Variants in ACHE observed in about 807,000 individuals in gnomAD.
ACHE encodes acetylcholinesterase.
In ACHE, 19 loss-of-function variants were observed where a neutral mutation model predicts 53.9. The observed-to-expected ratio is 0.35, with a 90% CI of 0.25 to 0.52. The LOEUF (loss-of-function observed/expected upper bound fraction) is 0.52. Among genes scored for constraint, ACHE ranks in the 20% least tolerant of loss-of-function variants. The pLI is 0.95. For synonymous variants in ACHE, 392 were observed against 378.1 expected, an observed-to-expected ratio of 1.04 and a Z score of -0.43; for missense variants, 605 against 849.4, an observed-to-expected ratio of 0.71 and a Z score of 3.58.
In ACHE at chr7:100,892,854, C is replaced by T; in HGVS notation, c.1069-36G>A. 1 of 1,515,284 alleles carries T rather than the reference C, an allele frequency of 6.6e-7. No individual in the cohort carries two copies. Among genetic ancestry groups the T allele is most frequent in the African/African-American group, 1.4e-5 (1 of 73,020 alleles). The allele number at this position is 1,515,284 out of a possible 1,614,324, so 93.9% of individuals were successfully genotyped here. ...GGGAGAGGGGGGTGGGATGGAGCGA[C>T]AGGCACAGACAGACAAGTAGACAGA... On this transcript the variant is annotated intron_variant, in intron 2 of 4. Transcript: ENST00000241069. This position sits in a 1 kb window ranked among gnomAD's most constrained non-coding sequence, Gnocchi z 5.2.
chr7:100,890,237 G>A lies in ACHE; in HGVS notation c.1822C>T (p.Gln608Ter). 1 of 1,613,956 alleles carries A rather than the reference G, an allele frequency of 6.2e-7. No individual in the cohort carries two copies. The highest frequency in any genetic ancestry group is 8.5e-7 in the Non-Finnish European group (1 of 1,179,892). ...WKNQFDHYSK[Q>*]DRCSDL Reference sequence around the variant, plus strand: ...GGTCACAGGTCTGAGCAGCGATCCTGCTTGCTGTAGTGGTCGAACTGGTTC... The same window carrying A: ...GGTCACAGGTCTGAGCAGCGATCCTACTTGCTGTAGTGGTCGAACTGGTTC... Residue 608 changes from glutamine to a stop codon, truncating the protein, a stop_gained, in exon 5 of 5, where the codon CAG becomes TAG. Transcript: ENST00000241069. LOFTEE classifies it high-confidence loss of function.
chr7:100,893,880 TTCC>T lies in ACHE; in HGVS notation c.350_352del (p.Trp117_Asn118delinsTyr). The T allele has an allele frequency of 6.2e-7, 1 of 1,601,120 alleles. No homozygotes were observed. The highest frequency in any genetic ancestry group is 8.5e-7 in the Non-Finnish European group (1 of 1,172,514). On this transcript the variant is annotated inframe_deletion, in exon 2 of 5. Transcript: ENST00000241069. ...GTCCTCGCTCAGCTCACGGTTGGGG[TTCC>T]ACATCTCGGTGCCCTCAAAACCTGG...
intron 4 of ACHE, chr7:100,890,631 G>C (rs1257313918): frequency 2.9e-6 from 4 of 1,383,016 alleles, no homozygotes; most frequent in East Asian, 5.4e-5. Context: ...AAAAAGAAGA[G>C]ACAGAAATGG....
intron 1 of ACHE, 80 bp from the exon 2 acceptor site, chr7:100,894,332 A>G: frequency 1.0e-6 from 1 of 1,000,776 alleles, no homozygotes; most frequent in Non-Finnish European, 1.3e-6. Flanking sequence ...TGTCGGCCCA[A>G]GGGTTATCGC....
intron 4 of ACHE, 84 bp downstream of exon 4, chr7:100,891,085 G>A (rs972866248): frequency 2.6e-6 from 4 of 1,526,632 alleles, no homozygotes; most frequent in East Asian, 4.9e-5. Flanking sequence ...GGGAGCCTCC[G>A]AGGCTAGGGG....
chr7:100,890,574 A>G, intron 4 of ACHE: 8 of 1,353,816 alleles, frequency 5.9e-6, no homozygotes, highest in Non-Finnish European at 7.6e-6. Context: ...GGAGAAAAGA[A>G]TGACCGGAAG....
At position 100,892,691 on chromosome 7, in the gene ACHE, G is replaced by A; in HGVS notation, c.1196C>T (p.Pro399Leu). The change falls in exon 3 of 5, where the codon CCC (proline) becomes CTC (leucine). Residue 399 changes from proline to leucine, a missense_variant. Transcript: ENST00000241069. The surrounding 1 kb of genome is among the most constrained non-coding windows in gnomAD (Gnocchi z 5.2). The part of the protein sequence containing the change: ...EFLAGVRVGV[P>L]QVSDLAAEAV... ...CTCGGCTGCCAGGTCACTTACCTGG[G>A]GAACCCCGACCCGCACCCCGGCCAG... is the stretch of plus-strand genomic sequence containing the variant. 1.2e-6 allele frequency: 2 copies of A among 1,613,584 alleles called. No homozygotes were observed. The highest frequency in any genetic ancestry group is 1.7e-6 in the Non-Finnish European group (2 of 1,179,976).
At position 100,892,333 on chromosome 7, in the gene ACHE, C is replaced by G; in HGVS notation, c.1553+1G>C. 1 of 1,512,968 alleles carries G rather than the reference C, an allele frequency of 6.6e-7. No individual in the cohort carries two copies. The highest frequency in any genetic ancestry group is 8.9e-7 in the Non-Finnish European group (1 of 1,129,062). The allele number at this position is 1,512,968 out of a possible 1,614,324, so 93.7% of individuals were successfully genotyped here. A position where few individuals can be genotyped will look rare whatever the true frequency, so the allele number is the denominator to read the frequency against. The stretch of plus-strand genomic sequence containing the variant: ...GCCTTCTCTCCCTCTGCACTGCTGA[C>G]CCTGTGCGGGCAAAGTTGGCCCAGT... On this transcript the variant is annotated splice_donor_variant, in intron 3 of 4. Coordinates refer to ENST00000241069, the MANE Select transcript of ACHE (RefSeq NM_000665.5). LOFTEE classifies it high-confidence loss of function. The surrounding 1 kb of genome is among the most constrained non-coding windows in gnomAD (Gnocchi z 5.2).
Position 100,893,319 on chromosome 7 carries a change from C to G in ACHE, c.914G>C (p.Arg305Pro), listed in dbSNP as rs375157729. ...CACCAGGACCTGCGCTGGTCGTGTC[C>G]GAAGGCAGGCTACCAGCTCTGTGTC... ...GNDTELVACL[R>P]TRPAQVLVNH... is the part of the protein sequence containing the mutation. The change falls in exon 2 of 5, where the codon CGG becomes CCG. Residue 305 changes from arginine (R) to proline (P), a missense_variant. Around this residue, in one of 4 missense-constraint regions of ACHE, gnomAD observed 397 missense variants for 632.5 expected, o/e 0.63. Coordinates refer to ENST00000241069, the MANE Select transcript of ACHE (RefSeq NM_000665.5). 6.2e-7 allele frequency: 1 copy of G among 1,613,800 alleles called. No individual in the cohort carries two copies. Among genetic ancestry groups the G allele is most frequent in the African/African-American group, 1.3e-5 (1 of 74,944 alleles).
chr7:100,894,332 A>T, intron 1 of ACHE, 80 bp from the exon 2 acceptor site: 1 of 1,000,774 alleles, frequency 1.0e-6, no homozygotes, highest in South Asian at 2.2e-5. Context: ...TGTCGGCCCA[A>T]GGGTTATCGC....
At chr7:100,896,721 G>GGCCTA (rs1791054901), upstream of ACHE, 1 of 317,524 alleles carries the variant, frequency 3.1e-6, no homozygotes, top group Non-Finnish European at 6.7e-6. Flanking sequence ...GACATCACCA[G>GGCCTA]GCCTAGCATT....
At chr7:100,896,047 G>C (rs1193343792), upstream of ACHE, 1 of 151,712 alleles carries the variant, frequency 6.6e-6, no homozygotes, top group Non-Finnish European at 1.5e-5. Flanking sequence ...AGACCCCGGG[G>C]CCCAGACGCA....
rs770446168 is a variant in ACHE at position 100,890,247 on chromosome 7, G to A, written c.1812C>T (p.His604=). The A allele has an allele frequency of 1.2e-6, 2 of 1,613,958 alleles. No individual in the cohort carries two copies. The highest frequency in any genetic ancestry group is 1.1e-5 in the South Asian group (1 of 91,044). ...CTGAGCAGCGATCCTGCTTGCTGTA[G>A]TGGTCGAACTGGTTCTTCCAGTGCA... is the stretch of plus-strand genomic sequence containing the variant. ...YMVHWKNQFD[H]YSKQDRCSDL is the part of the protein sequence containing the mutation. Residue 604 remains histidine, a synonymous_variant, in exon 5 of 5, where the codon CAC becomes CAT. Transcript: ENST00000241069.
In ACHE at chr7:100,893,210, G is replaced by A; in HGVS notation, c.1023C>T (p.Asp341=). Residue 341 remains aspartate (D), a synonymous_variant, in exon 2 of 5, where the codon GAC becomes GAT. Coordinates refer to ENST00000241069, the MANE Select transcript of ACHE (RefSeq NM_000665.5). ...VPVVDGDFLS[D]TPEALINAGD... Reference sequence around the variant, plus strand: ...CCGCGTTGATGAGGGCCTCTGGGGTGTCACTGAGGAAGTCTCCATCTACCA... The same window carrying A: ...CCGCGTTGATGAGGGCCTCTGGGGTATCACTGAGGAAGTCTCCATCTACCA... The A allele has an allele frequency of 1.2e-6, 2 of 1,614,082 alleles. No homozygotes were observed. Among genetic ancestry groups the A allele is most frequent in the South Asian group, 1.1e-5 (1 of 91,082 alleles).
Position 100,892,710 on chromosome 7 carries a change from C to T in ACHE, c.1177G>A (p.Gly393Arg). The part of the protein sequence containing the change: ...SLISRAEFLA[G>R]VRVGVPQVSD... ...ACCTGGGGAACCCCGACCCGCACCC[C>T]GGCCAGGAACTCGGCCCGGCTGATG... is the stretch of plus-strand genomic sequence containing the variant. The change falls in exon 3 of 5, where the codon GGG becomes AGG. Residue 393 changes from glycine (G) to arginine (R), a missense_variant. By Grantham distance (125) the Gly-to-Arg change is moderately radical (BLOSUM62 -2). Transcript: ENST00000241069. This position sits in a 1 kb window ranked among gnomAD's most constrained non-coding sequence, Gnocchi z 5.2. 3 of 1,613,594 alleles carry T rather than the reference C, an allele frequency of 1.9e-6. No individual in the cohort carries two copies. Among genetic ancestry groups the T allele is most frequent in the Non-Finnish European group, 2.5e-6 (3 of 1,179,986 alleles).
intron 1 of ACHE, chr7:100,894,480 A>C (rs1363984879): frequency 9.4e-5 from 36 of 384,340 alleles, no homozygotes; most frequent in Middle Eastern, 6.6e-4. Context: ...ATCCAGACAA[A>C]TGCAGGGAAC....
chr7:100,894,413 A>G, intron 1 of ACHE, 161 bp from the exon 2 acceptor site: 1 of 495,598 alleles, frequency 2.0e-6, no homozygotes, highest in Non-Finnish European at 3.5e-6. Flanking sequence ...GGAGACAGGC[A>G]GAGACAAGGA....
rs1157660817 is a variant in ACHE at position 100,894,007 on chromosome 7, G to C, written c.226C>G (p.Arg76Gly). ...IPFAEPPMGPRRFLPPEPKQP... is the reference protein window; with the variant it reads ...IPFAEPPMGPGRFLPPEPKQP... The stretch of plus-strand genomic sequence containing the variant: ...TTGGGCTCCGGTGGCAGAAAGCGAC[G>C]GGGTCCCATGGGTGGCTCCGCAAAG... Residue 76 changes from arginine (R) to glycine (G), a missense_variant, in exon 2 of 5, where the codon CGT (arginine) becomes GGT (glycine). By Grantham distance (125) the Arg-to-Gly change is moderately radical (BLOSUM62 -2). This residue lies in a region of ACHE where 397 missense variants were observed against 632.5 expected (regional missense o/e 0.63). Transcript: ENST00000241069. 1 of 1,611,346 alleles carries C rather than the reference G, an allele frequency of 6.2e-7. No homozygotes were observed. Among genetic ancestry groups the C allele is most frequent in the South Asian group, 1.1e-5 (1 of 90,772 alleles).
At chr7:100,891,362 G>C (rs779182928) in intron 3 of ACHE, 24 bp from the exon 4 acceptor site, 19 of 1,505,702 alleles carry the variant, frequency 1.3e-5, no homozygotes, top group Non-Finnish European at 1.7e-5. Context: ...GGAAGGCTCA[G>C]TCCAGACGGG....
Sources: gnomAD v4.1 joint callset for allele counts on GRCh38, gnomAD v4.1.1 for gene constraint, gnomAD v4.1.1 regional missense constraint, Gnocchi (gnomAD v3.1) non-coding constraint, MANE v1.5 for transcripts, NCBI Gene and HGNC (gene_info 2026-07-23, HGNC 2026-07-21) for gene names.